Variants in SPECC1 observed in about 807,000 individuals in gnomAD.
SPECC1 encodes the protein sperm antigen with calponin homology and coiled-coil domains 1, also known as cytospin-B.
In SPECC1, 62 loss-of-function variants were observed where a neutral mutation model predicts 104.1. The ratio of observed to expected loss-of-function variants is 0.60; its 90% confidence interval spans 0.49 to 0.74. SPECC1 has a LOEUF of 0.74. Ranked by LOEUF, SPECC1 falls within the 30% of genes least tolerant of loss-of-function variation. The probability of loss-of-function intolerance (pLI) is 0.00; values close to 1 mark genes in which losing one functional copy is unlikely to be tolerated. For synonymous variants in SPECC1, 513 were observed against 501.6 expected (o/e 1.02, Z -0.30); for missense variants, 1,306 against 1,310.5 (o/e 1.00, Z 0.05).
intron 3 of SPECC1, among the ~76,000 whole-genome samples, chr17:20,137,270 T>A (rs1466750255): frequency 6.6e-6 from 1 of 152,258 alleles, no homozygotes. Flanking sequence ...AGTTACTCAT[T>A]TGAGGTCAGA....
chr17:20,222,985 G>A (rs2151437817), intron 4 of SPECC1, among the ~76,000 whole-genome samples: 1 of 151,506 alleles, frequency 6.6e-6, no homozygotes, highest in East Asian at 1.9e-4. Flanking sequence ...CATTATCTTT[G>A]CCTTTTGGGA....
At chr17:20,043,506 A>G (rs1000989416) in intron 1 of SPECC1, among the ~76,000 whole-genome samples, 27 of 152,184 alleles carry the variant, frequency 1.8e-4, no homozygotes, top group Non-Finnish European at 5.9e-5. Context: ...TTTAGTACCA[A>G]TATGTATTTT....
chr17:20,114,334 G>C (rs1382921860), intron 3 of SPECC1, among the ~76,000 whole-genome samples: 1 of 152,018 alleles, frequency 6.6e-6, no homozygotes, highest in African/African-American at 2.4e-5. Flanking sequence ...TGGGACTACA[G>C]GTGCACACCA....
chr17:20,277,305 G>A (rs1196525179), intron 12 of SPECC1, among the ~76,000 whole-genome samples: 2 of 152,142 alleles, frequency 1.3e-5, no homozygotes, highest in Non-Finnish European at 2.9e-5. Context: ...CCATTTAAAA[G>A]GATAACTGGA....
chr17:20,060,668 T>C (rs2046152619), intron 1 of SPECC1, among the ~76,000 whole-genome samples: 1 of 152,236 alleles, frequency 6.6e-6, no homozygotes, highest in Non-Finnish European at 1.5e-5. Context: ...ATATAGGATA[T>C]GTGTCTTTCT....
rs2042064743 is a variant in SPECC1, at chr17:20,318,284, C to G, written c.*4219C>G. On this transcript the variant is annotated 3_prime_UTR_variant, in exon 15 of 15. Coordinates refer to ENST00000395527, the MANE Select transcript of SPECC1 (RefSeq NM_001243439.2). ...TTGAATTTTCCTTGTCTGATGGTAA[C>G]CCATGGCCCCCGCCCTGCGGGGATA... 4.3e-6 allele frequency: 1 copy of G among 232,444 alleles called. No homozygotes were observed. The highest frequency in any genetic ancestry group is 5.6e-5 in the Admixed American group (1 of 17,764). The allele number at this position is 232,444 out of a possible 1,614,324, so 14.4% of individuals were successfully genotyped here.
intron 1 of SPECC1, among the ~76,000 whole-genome samples, chr17:20,082,960 TCG>T (rs1236277070): frequency 2.2e-4 from 6 of 27,678 alleles, no homozygotes; most frequent in African/African-American, 8.0e-4. Flanking sequence ...CCTTTGGTGT[TCG>T]TTCGTTCGTT....
intron 1 of SPECC1, among the ~76,000 whole-genome samples, chr17:20,031,077 C>T (rs1175612026): frequency 6.6e-6 from 1 of 152,214 alleles, no homozygotes; most frequent in Middle Eastern, 3.2e-3. Context: ...TCACTGCAAT[C>T]TCTGCCTCCT....
chr17:20,036,650 C>T (rs1047924183), intron 1 of SPECC1, among the ~76,000 whole-genome samples: 4 of 152,128 alleles, frequency 2.6e-5, no homozygotes, highest in African/African-American at 9.7e-5. Flanking sequence ...CTTGAACTTA[C>T]TCCTCCTAAC....
Position 20,205,632 on chromosome 17 carries a change from A to C in SPECC1, c.1583A>C (p.His528Pro), listed in dbSNP as rs1217849455. 1.2e-6 allele frequency: 2 copies of C among 1,613,960 alleles called. No homozygotes were observed. The highest frequency in any genetic ancestry group is 1.7e-6 in the Non-Finnish European group (2 of 1,180,032). The change falls in exon 4 of 15, where the codon CAT (histidine) becomes CCT (proline). Residue 528 changes from histidine (H) to proline (P), a missense_variant. His to Pro is a moderately conservative substitution (Grantham distance 77, BLOSUM62 -2). This residue lies in a region of SPECC1 where 1,177 missense variants were observed against 1,139.9 expected (regional missense o/e 1.03). Coordinates refer to ENST00000395527, the MANE Select transcript of SPECC1 (RefSeq NM_001243439.2). ...AATGAGTTTCTAGAACTGGAACGGC[A>C]TAATAATAACATGATGGCCAAAACT... ...KLNEFLELER[H>P]NNNMMAKTLE...
chr17:20,093,845 C>T (rs984778173), intron 1 of SPECC1, among the ~76,000 whole-genome samples: 2 of 151,690 alleles, frequency 1.3e-5, no homozygotes, highest in Non-Finnish European at 2.9e-5. Context: ...ATTTTCATGC[C>T]TCATCTCCCC....
intron 7 of SPECC1, among the ~76,000 whole-genome samples, chr17:20,242,596 GT>G (rs1211992297): frequency 1.3e-5 from 2 of 152,170 alleles, no homozygotes; most frequent in Non-Finnish European, 2.9e-5. Flanking sequence ...AAATAACTTG[GT>G]AGTATTTTTT....
intron 1 of SPECC1, among the ~76,000 whole-genome samples, chr17:20,036,740 A>G (rs1271428531): frequency 1.3e-5 from 2 of 152,186 alleles, no homozygotes; most frequent in African/African-American, 4.8e-5. Flanking sequence ...TGAGACAATC[A>G]TGTCATCTGC....
intron 1 of SPECC1, among the ~76,000 whole-genome samples, chr17:20,016,515 C>G (rs1371995169): frequency 6.6e-6 from 1 of 152,142 alleles, no homozygotes; most frequent in Non-Finnish European, 1.5e-5. Flanking sequence ...TGCGGGCCAG[C>G]GTGAGTTCCC....
intron 12 of SPECC1, among the ~76,000 whole-genome samples, chr17:20,285,656 C>G (rs537548575): frequency 5.5e-4 from 83 of 152,262 alleles, no homozygotes; most frequent in African/African-American, 1.9e-3. Context: ...CCCCAAAAAT[C>G]TTGTACATAA....
chr17:20,225,067 A>T (rs1016547731), intron 4 of SPECC1, among the ~76,000 whole-genome samples: 1 of 151,896 alleles, frequency 6.6e-6, no homozygotes, highest in South Asian at 2.1e-4. Context: ...GGTCCAGGCT[A>T]TGTCTAGAAA....
chr17:20,292,981 G>A (rs1023110036), intron 12 of SPECC1, among the ~76,000 whole-genome samples: 2 of 152,202 alleles, frequency 1.3e-5, no homozygotes, highest in African/African-American at 4.8e-5. Context: ...GCCCACCAGG[G>A]TCATCCTGGA....
At chr17:20,093,727 T>TTTTTG (rs1293386065) in intron 1 of SPECC1, among the ~76,000 whole-genome samples, 12 of 36,222 alleles carry the variant, frequency 3.3e-4, no homozygotes, top group African/African-American at 1.1e-3. Context: ...TTTGTTTTTG[T>TTTTTG]TTTTTGTTTT....
intron 2 of SPECC1, among the ~76,000 whole-genome samples, chr17:20,106,634 C>A (rs1219218037): frequency 6.6e-6 from 1 of 152,106 alleles, no homozygotes; most frequent in African/African-American, 2.4e-5. Flanking sequence ...AAGGGGAGTT[C>A]CCCTGCACAT....
Sources: allele counts gnomAD v4.1 joint callset (sites outside exome capture counted in the v4.1 genomes callset), GRCh38; gene constraint gnomAD v4.1.1; regional missense constraint gnomAD v4.1.1; transcripts MANE v1.5; gene names NCBI Gene and HGNC (gene_info 2026-07-23, HGNC 2026-07-21).